The following PAK3 variants were observed in gnomAD, a reference collection of about 807,000 sequenced individuals.
The protein encoded by PAK3 is serine/threonine-protein kinase PAK 3.
Under a neutral mutation model 41.0 loss-of-function variants are expected in PAK3, and 4 were observed. That is an observed-to-expected ratio of 0.10 (90% CI 0.05 to 0.22). PAK3 has a LOEUF of 0.22. Among genes scored for constraint, PAK3 ranks in the 10% least tolerant of loss-of-function variants. The pLI is 1.00. For synonymous variants in PAK3, 146 were observed against 139.6 expected, an observed-to-expected ratio of 1.05 and a Z score of -0.32; for missense variants, 205 against 409.9, an observed-to-expected ratio of 0.50 and a Z score of 4.32.
Position 111,225,124 on chromosome X carries a change from G to A in PAK3, c.*4677G>A, listed in dbSNP as rs2094946951. On this transcript the variant is annotated 3_prime_UTR_variant, in exon 18 of 18. Transcript: ENST00000372007. ...TGTGGACTGGGAAGGAAATAAATGG[G>A]AACTTGGAAATAATGGAATATTTCT... 8.9e-6 allele frequency: 1 copy of A among 112,006 alleles called. No individual in the cohort carries two copies. Among genetic ancestry groups the A allele is most frequent in the Non-Finnish European group, 1.9e-5 (1 of 53,232 alleles). The allele number at this position is 112,006 out of a possible 1,213,427, so 9.2% of individuals were successfully genotyped here. A position where few individuals can be genotyped will look rare whatever the true frequency, so the allele number is the denominator to read the frequency against.
intron 1 of PAK3, among the ~76,000 whole-genome samples, chrX:110,989,151 C>T (rs773309997): frequency 5.4e-5 from 6 of 111,672 alleles, no homozygotes; most frequent in Admixed American, 9.5e-5. Context: ...TTTCTGGGTT[C>T]CAGTTCATTA....
chrX:110,970,462 C>T (rs2091182930), intron 1 of PAK3, among the ~76,000 whole-genome samples: 1 of 111,417 alleles, frequency 9.0e-6, no homozygotes, highest in Non-Finnish European at 1.9e-5. Flanking sequence ...CTGGAGGAAA[C>T]TGGAAACCAT....
chrX:111,218,413 T>C (rs1175673613), intron 17 of PAK3, among the ~76,000 whole-genome samples: 4 of 112,224 alleles, frequency 3.6e-5, no homozygotes, highest in Admixed American at 9.4e-5. Context: ...GCTGTTCAAA[T>C]AGTAAATGAT....
intron 11 of PAK3, among the ~76,000 whole-genome samples, chrX:111,179,501 T>C (rs1449271369): frequency 1.8e-5 from 2 of 111,611 alleles, no homozygotes; most frequent in Non-Finnish European, 3.8e-5. Flanking sequence ...TTATCACTCA[T>C]ATTAAATATT....
At chrX:111,181,851 G>A (rs190936633) in intron 11 of PAK3, among the ~76,000 whole-genome samples, 11 of 109,796 alleles carry the variant, frequency 1.0e-4, no homozygotes, top group African/African-American at 3.0e-4. Flanking sequence ...CTTCTTCATC[G>A]GATCTATTTT....
Position 111,215,180 on chromosome X carries a change from G to C in PAK3, c.1408-1241G>C, listed in dbSNP as rs144079881. 8.4e-3 allele frequency among the ~76,000 whole-genome samples: 936 copies of C among 111,812 alleles called. 8 individuals carry two copies. The highest frequency in any genetic ancestry group is 0.029 in the African/African-American group (884 of 30,712). On this transcript the variant is annotated intron_variant, in intron 16 of 17. Coordinates refer to ENST00000372007, the MANE Select transcript of PAK3 (RefSeq NM_002578.5). ...TGTCTTATTCATCCTTAGCTCTCCA[G>C]TGTCTAATAAACTATCTGGTACATA...
chrX:111,035,105 C>CAAAAAA (rs533876214), intron 1 of PAK3, among the ~76,000 whole-genome samples: 5 of 39,556 alleles, frequency 1.3e-4, no homozygotes, highest in African/African-American at 7.0e-4. Flanking sequence ...GACCCTGTCT[C>CAAAAAA]AAAAAAAAAA....
At chrX:110,975,198 A>G (rs2091302817) in intron 1 of PAK3, among the ~76,000 whole-genome samples, 1 of 112,303 alleles carries the variant, frequency 8.9e-6, no homozygotes, top group South Asian at 3.8e-4. Context: ...ATGATTGTGT[A>G]TTTAGAAAAC....
chrX:110,967,201 T>C (rs1210579843), intron 1 of PAK3, among the ~76,000 whole-genome samples: 1 of 112,709 alleles, frequency 8.9e-6, no homozygotes. Flanking sequence ...AGACTTGCCA[T>C]AGGGGCAAAA....
chrX:111,146,906 T>G (rs763878137), intron 6 of PAK3, among the ~76,000 whole-genome samples: 114 of 111,746 alleles, frequency 1.0e-3, no homozygotes, highest in Non-Finnish European at 1.7e-3. Context: ...AACCTCTAAT[T>G]TTTGCAATTC....
chrX:111,160,876 T>C (rs1322508551), intron 8 of PAK3, among the ~76,000 whole-genome samples: 1 of 112,602 alleles, frequency 8.9e-6, no homozygotes, highest in Non-Finnish European at 1.9e-5. Flanking sequence ...TGTTGGACAT[T>C]TGGGTTGGTT....
intron 1 of PAK3, among the ~76,000 whole-genome samples, chrX:110,970,714 GT>G: frequency 8.9e-6 from 1 of 111,799 alleles, no homozygotes; most frequent in Non-Finnish European, 1.9e-5. Flanking sequence ...GTATACTTAT[GT>G]AAAAAACCTG....
chrX:111,028,071 T>G (rs1266747596), intron 1 of PAK3, among the ~76,000 whole-genome samples: 1 of 54,371 alleles, frequency 1.8e-5, no homozygotes, highest in South Asian at 9.4e-4. Flanking sequence ...TACTCAGCCA[T>G]AAAAAGGAAT....
chrX:111,150,697 G>A (rs2094014053), intron 7 of PAK3, among the ~76,000 whole-genome samples: 1 of 111,747 alleles, frequency 8.9e-6, no homozygotes, highest in Admixed American at 9.5e-5. Context: ...CCCACAGCAC[G>A]TGGGAATTCT....
intron 1 of PAK3, among the ~76,000 whole-genome samples, chrX:111,030,843 C>A (rs2092331887): frequency 8.9e-6 from 1 of 111,748 alleles, no homozygotes. Context: ...ACAAATGCTG[C>A]ATTTAGCTTA....
intron 1 of PAK3, among the ~76,000 whole-genome samples, chrX:110,972,612 G>C (rs1327806692): frequency 1.8e-5 from 2 of 112,012 alleles, no homozygotes; most frequent in African/African-American, 6.5e-5. Context: ...GGAGAAACCA[G>C]AGCAGAAAGG....
At chrX:111,103,749 C>T (rs757610358) in intron 4 of PAK3, among the ~76,000 whole-genome samples, 1 of 111,531 alleles carries the variant, frequency 9.0e-6, no homozygotes, top group Non-Finnish European at 1.9e-5. Context: ...ATTTTACCTT[C>T]CTGTTTGAAG....
intron 1 of PAK3, among the ~76,000 whole-genome samples, chrX:110,998,043 C>T (rs2091773884): frequency 1.8e-5 from 2 of 111,359 alleles, no homozygotes; most frequent in African/African-American, 6.5e-5. Context: ...TTATAGTATC[C>T]CAAATGGACC....
intron 16 of PAK3, among the ~76,000 whole-genome samples, chrX:111,204,274 A>G (rs964298643): frequency 2.7e-5 from 3 of 111,501 alleles, no homozygotes; most frequent in South Asian, 7.7e-4. Context: ...ATTCCATAGC[A>G]AACTAAAATC....
Sources: allele counts gnomAD v4.1 joint callset (sites outside exome capture counted in the v4.1 genomes callset), GRCh38; gene constraint gnomAD v4.1.1; transcripts MANE v1.5; gene names NCBI Gene and HGNC (gene_info 2026-07-23, HGNC 2026-07-21).